Variants in NALF1 observed in about 807,000 individuals in gnomAD.
The protein encoded by NALF1 is family with sequence similarity 155 member A.
In NALF1, 3 loss-of-function variants were observed where a neutral mutation model predicts 48.4. That is an observed-to-expected ratio of 0.06 (90% CI 0.03 to 0.16). The LOEUF (loss-of-function observed/expected upper bound fraction) is 0.16. NALF1 is among the 10% of genes least tolerant of loss of function. The probability of loss-of-function intolerance (pLI) is 1.00; values close to 1 mark genes in which losing one functional copy is unlikely to be tolerated. For missense variants in NALF1, 526 were observed against 571.5 expected (o/e 0.92, Z 0.81); for synonymous variants, 262 against 245.7 (o/e 1.07, Z -0.62).
intron 1 of NALF1, among the ~76,000 whole-genome samples, chr13:107,486,536 G>A (rs775000873): frequency 2.0e-5 from 3 of 152,168 alleles, no homozygotes; most frequent in Non-Finnish European, 4.4e-5. Flanking sequence ...TCAGGGGACA[G>A]AGATGCTAGA....
intron 1 of NALF1, among the ~76,000 whole-genome samples, chr13:107,536,874 A>G (rs1191135449): frequency 2.0e-5 from 3 of 152,216 alleles, no homozygotes; most frequent in Non-Finnish European, 4.4e-5. Context: ...TGTGGCACAT[A>G]TACACCATGG....
In NALF1 at chr13:107,385,797, C is replaced by T. The variant is rs9587366; in HGVS notation, c.916-175042G>A. Among the ~76,000 whole-genome samples the T allele has an allele frequency of 7.6e-3, 1,159 of 152,152 alleles. 15 individuals carry two copies. The highest frequency in any genetic ancestry group is 0.026 in the African/African-American group (1,099 of 41,516). On this transcript the variant is annotated intron_variant, in intron 1 of 2. Transcript: ENST00000375915. ...ATTCGATATTTCTACATTTTTGTCC[C>T]ATTTATAGAAAGTGCTATTTCATAG...
At chr13:107,315,048 T>C (rs1158026883) in intron 1 of NALF1, among the ~76,000 whole-genome samples, 4 of 152,150 alleles carry the variant, frequency 2.6e-5, no homozygotes, top group Non-Finnish European at 4.4e-5. Context: ...TTAACTACTC[T>C]GTAAGAATTC....
At chr13:107,859,733 T>G (rs1034240672) in intron 1 of NALF1, among the ~76,000 whole-genome samples, 17 of 151,818 alleles carry the variant, frequency 1.1e-4, no homozygotes, top group African/African-American at 3.6e-4. Context: ...TGAAACACCA[T>G]CTCTACTAAA....
At chr13:107,307,670 T>C (rs1594113383) in intron 1 of NALF1, among the ~76,000 whole-genome samples, 1 of 148,052 alleles carries the variant, frequency 6.8e-6, no homozygotes, top group Admixed American at 6.8e-5. Flanking sequence ...GCTGGTGCTA[T>C]AATGGCATTG....
chr13:107,745,363 A>G (rs9301254), intron 1 of NALF1, among the ~76,000 whole-genome samples: 105,914 of 151,972 alleles, frequency 0.7, 39,283 homozygotes, highest in Non-Finnish European at 0.83. Context: ...CAAATTATAG[A>G]CACCCCCTAG....
chr13:107,361,590 A>G (rs9514667), intron 1 of NALF1, among the ~76,000 whole-genome samples: 84,957 of 151,960 alleles, frequency 0.56, 23,931 homozygotes, highest in Middle Eastern at 0.71. Flanking sequence ...AGAAGAAATA[A>G]TGCAGGAGGA....
At chr13:107,290,974 C>G (rs1257729719) in intron 1 of NALF1, among the ~76,000 whole-genome samples, 1 of 151,956 alleles carries the variant, frequency 6.6e-6, no homozygotes, top group Non-Finnish European at 1.5e-5. Context: ...GAAGTCCTCA[C>G]TTGAGACTGT....
At chr13:107,373,605 C>G (rs1883285461) in intron 1 of NALF1, among the ~76,000 whole-genome samples, 1 of 152,204 alleles carries the variant, frequency 6.6e-6, no homozygotes. Context: ...GGGCTCTACA[C>G]ATTTCCAGGG....
intron 1 of NALF1, among the ~76,000 whole-genome samples, chr13:107,718,300 G>A (rs1875881615): frequency 6.6e-6 from 1 of 152,148 alleles, no homozygotes. Flanking sequence ...GACTTACGGG[G>A]AGTAGTCCCT....
intron 2 of NALF1, among the ~76,000 whole-genome samples, chr13:107,198,295 A>G (rs1344528551): frequency 6.6e-6 from 1 of 152,238 alleles, no homozygotes; most frequent in Admixed American, 6.5e-5. Flanking sequence ...TTAATGGGAC[A>G]TAGCACACAC....
chr13:107,181,356 TA>T (rs1390252407), intron 2 of NALF1, among the ~76,000 whole-genome samples: 1 of 151,502 alleles, frequency 6.6e-6, no homozygotes, highest in Non-Finnish European at 1.5e-5. Context: ...TTCTTAAAAA[TA>T]AAACACTTAC....
In NALF1 at chr13:107,345,888, T is replaced by A. The variant is rs143520656; in HGVS notation, c.916-135133A>T. Among the ~76,000 whole-genome samples the A allele has an allele frequency of 1.8e-4, 27 of 152,262 alleles. No individual in the cohort carries two copies. The Middle Eastern group carries it at 0.014, about 77-fold the overall frequency. On this transcript the variant is annotated intron_variant, in intron 1 of 2. Transcript: ENST00000375915. ...AATATCCAGAACTTACAAAAAGATC[T>A]TGCAACTCAACAACACAAATAGTAA...
intron 1 of NALF1, among the ~76,000 whole-genome samples, chr13:107,265,708 CTTTT>C (rs1008478478): frequency 6.7e-6 from 1 of 148,212 alleles, no homozygotes; most frequent in Non-Finnish European, 1.5e-5. Flanking sequence ...GCCTGGCCTA[CTTTT>C]TTTTTTGTTT....
At chr13:107,179,008 T>C (rs1023272114) in intron 2 of NALF1, among the ~76,000 whole-genome samples, 8 of 151,778 alleles carry the variant, frequency 5.3e-5, no homozygotes, top group Non-Finnish European at 7.4e-5. Flanking sequence ...ATCCTAGTGC[T>C]AGTTTTATGT....
chr13:107,260,662 TTC>T (rs1217442577), intron 1 of NALF1, among the ~76,000 whole-genome samples: 1 of 152,222 alleles, frequency 6.6e-6, no homozygotes, highest in Non-Finnish European at 1.5e-5. Context: ...AAAATGTTCC[TTC>T]TCTCCTCATT....
chr13:107,865,763 T>C lies in NALF1; in HGVS notation c.834A>G (p.Lys278=). 6.2e-7 allele frequency: 1 copy of C among 1,614,044 alleles called. No individual in the cohort carries two copies. The highest frequency in any genetic ancestry group is 8.5e-7 in the Non-Finnish European group (1 of 1,180,006). The change falls in exon 1 of 3, where the codon AAA becomes AAG. Residue 278 remains lysine (K), a synonymous_variant. Transcript: ENST00000375915. ...GGAGCACGCTTTCAAACTCTTCGTA[T>C]TTCTCCTGAGCATGGTGGTCATAGT... ...YQDYDHHAQE[K]YEEFESVLHK... is the part of the protein sequence containing the mutation.
intron 1 of NALF1, among the ~76,000 whole-genome samples, chr13:107,594,464 C>T (rs1042885991): frequency 3.9e-5 from 6 of 151,946 alleles, no homozygotes; most frequent in Non-Finnish European, 8.8e-5. Flanking sequence ...CTCTTTCCCC[C>T]AATCCCCTGT....
chr13:107,417,748 C>G (rs1171268512), intron 1 of NALF1, among the ~76,000 whole-genome samples: 2 of 152,064 alleles, frequency 1.3e-5, no homozygotes, highest in Non-Finnish European at 2.9e-5. Flanking sequence ...GGCTCTTTTC[C>G]TTCTTTATTA....
Sources: gnomAD v4.1 joint callset for allele counts (sites outside exome capture counted in the v4.1 genomes callset) on GRCh38, gnomAD v4.1.1 for gene constraint, MANE v1.5 for transcripts, NCBI Gene and HGNC (gene_info 2026-07-23, HGNC 2026-07-21) for gene names.